Variants in CNGA1 observed in about 807,000 individuals in gnomAD.
The protein encoded by CNGA1 is cyclic nucleotide gated channel subunit alpha 1.
Under a neutral mutation model 69.7 loss-of-function variants are expected in CNGA1, and 53 were observed. That is an observed-to-expected ratio of 0.76 (90% CI 0.61 to 0.96). The LOEUF (loss-of-function observed/expected upper bound fraction) is 0.96. Ranked by LOEUF, CNGA1 falls within the 40% of genes least tolerant of loss-of-function variation. The pLI, the probability that CNGA1 is intolerant of heterozygous loss-of-function variation, is 0.00. For missense variants in CNGA1, 739 were observed against 811.2 expected, an observed-to-expected ratio of 0.91 and a Z score of 1.08; for synonymous variants, 249 against 283.5, an observed-to-expected ratio of 0.88 and a Z score of 1.22.
intron 1 of CNGA1, among the ~76,000 whole-genome samples, chr4:48,011,379 A>ACACACATG (rs1194036516): frequency 6.7e-6 from 1 of 148,162 alleles, no homozygotes; most frequent in East Asian, 1.9e-4. Context: ...TCTTTTAAAT[A>ACACACATG]CACACATGCA....
intron 3 of CNGA1, among the ~76,000 whole-genome samples, chr4:47,979,901 T>C (rs2110214918): frequency 6.6e-6 from 1 of 152,324 alleles, no homozygotes; most frequent in East Asian, 1.9e-4. Context: ...TTCTTTTCCT[T>C]TTTGAAAAAA....
At chr4:47,943,963 A>C (rs1368945353) in intron 6 of CNGA1, among the ~76,000 whole-genome samples, 1 of 152,166 alleles carries the variant, frequency 6.6e-6, no homozygotes, top group African/African-American at 2.4e-5. Context: ...TTTCTTCTTG[A>C]GTGGAGACTG....
chr4:47,937,648 A>T lies in CNGA1; in HGVS notation c.834T>A (p.Phe278Leu). The T allele has an allele frequency of 6.2e-7, 1 of 1,614,172 alleles. No homozygotes were observed. Among genetic ancestry groups the T allele is most frequent in the Non-Finnish European group, 8.5e-7 (1 of 1,180,030 alleles). ...LNRLLRFSRM[F>L]EFFQRTETRT... The stretch of plus-strand genomic sequence containing the variant: ...TTGTTTCTGTTCTCTGGAAGAACTC[A>T]AACATACGAGAGAACCGTAACAACC... The change falls in exon 11 of 11, where the codon TTT becomes TTA. Residue 278 changes from phenylalanine to leucine, a missense_variant. Phe to Leu is a conservative substitution (Grantham distance 22). Coordinates refer to ENST00000514170, the MANE Select transcript of CNGA1 (RefSeq NM_001379270.1).
At position 47,947,804 on chromosome 4, in the gene CNGA1, A is replaced by G. The variant is rs544113985; in HGVS notation, c.287+2029T>C. ...CTGGATGGAAAACGATGGAAAGATC[A>G]GGGAAAATATTTCAGAAGAGGCAGA... On this transcript the variant is annotated intron_variant, in intron 6 of 10. Coordinates refer to ENST00000514170, the MANE Select transcript of CNGA1 (RefSeq NM_001379270.1). Among the ~76,000 whole-genome samples, 17 of 152,374 alleles carry G rather than the reference A, an allele frequency of 1.1e-4. No homozygotes were observed. In the East Asian group the frequency reaches 3.1e-3, roughly 28 times the overall value.
At chr4:47,955,327 C>T (rs1740022662) in intron 3 of CNGA1, among the ~76,000 whole-genome samples, 1 of 151,628 alleles carries the variant, frequency 6.6e-6, no homozygotes. Flanking sequence ...GGATTACAGG[C>T]GCCCACCACC....
chr4:47,959,010 T>C (rs1270358851), intron 3 of CNGA1: 2 of 152,226 alleles, frequency 1.3e-5, no homozygotes, highest in African/African-American at 4.8e-5. Context: ...CAGAATTACT[T>C]TGATTGTTTA....
At chr4:47,970,136 C>T (rs1165937473) in intron 3 of CNGA1, among the ~76,000 whole-genome samples, 4 of 152,068 alleles carry the variant, frequency 2.6e-5, no homozygotes, top group South Asian at 2.1e-4. Context: ...GCAGCAACCT[C>T]GGGTTAGAAG....
In CNGA1 at chr4:47,942,088, A is replaced by G; in HGVS notation, c.498T>C (p.Phe166=). 6.2e-7 allele frequency: 1 copy of G among 1,614,000 alleles called. No individual in the cohort carries two copies. Among genetic ancestry groups the G allele is most frequent in the Non-Finnish European group, 8.5e-7 (1 of 1,179,902 alleles). The change falls in exon 9 of 11, where the codon TTT becomes TTC. Residue 166 remains phenylalanine (F), a synonymous_variant. Transcript: ENST00000514170. Reference sequence around the variant, plus strand: ...TGTACATAACAGGTAATGTGATGCAAAACAGCCAGTTGTAATATGTGTTTC... The same window carrying G: ...TGTACATAACAGGTAATGTGATGCAGAACAGCCAGTTGTAATATGTGTTTC... ...PSGNTYYNWL[F]CITLPVMYNW...
intron 2 of CNGA1, among the ~76,000 whole-genome samples, chr4:48,004,887 G>A (rs1001781861): frequency 6.6e-6 from 1 of 151,742 alleles, no homozygotes; most frequent in Non-Finnish European, 1.5e-5. Context: ...GGGGGTGGGG[G>A]TAAAGAAGGA....
At chr4:47,995,984 C>G (rs1742460238) in intron 2 of CNGA1, among the ~76,000 whole-genome samples, 1 of 152,152 alleles carries the variant, frequency 6.6e-6, no homozygotes, top group Admixed American at 6.5e-5. Context: ...GCACAGAGTC[C>G]TGTTACATAA....
At chr4:47,981,166 C>T (rs1384795086) in intron 3 of CNGA1, among the ~76,000 whole-genome samples, 1 of 152,182 alleles carries the variant, frequency 6.6e-6, no homozygotes, top group Non-Finnish European at 1.5e-5. Context: ...AAGCAGGTAG[C>T]ATTTACTATT....
chr4:47,953,902 GCCCTCGGACCTTATGC>G (rs1484291039), intron 3 of CNGA1, among the ~76,000 whole-genome samples: 1 of 62,034 alleles, frequency 1.6e-5, no homozygotes. Context: ...CGGGCCTTAT[GCCCTCGGACCTTATGC>G]CCTCGGACCT....
chr4:47,946,471 A>C (rs550259321), intron 6 of CNGA1, among the ~76,000 whole-genome samples: 1 of 152,350 alleles, frequency 6.6e-6, no homozygotes, highest in Admixed American at 6.5e-5. Flanking sequence ...CCAAGGCTAT[A>C]TTAACTTTCT....
At position 47,936,562 on chromosome 4, in the gene CNGA1, G is replaced by A. The variant is rs1560616074; in HGVS notation, c.1920C>T (p.Ile640=). The A allele has an allele frequency of 3.7e-6, 6 of 1,614,070 alleles. No homozygotes were observed. In the South Asian group the frequency reaches 5.5e-5, roughly 15 times the overall value. Residue 640 remains isoleucine, a synonymous_variant, in exon 11 of 11, where the codon ATC becomes ATT. Coordinates refer to ENST00000514170, the MANE Select transcript of CNGA1 (RefSeq NM_001379270.1). ...VDLLQTRFAR[I]LAEYESMQQK... Reference sequence around the variant, plus strand: ...GCTGCATGGACTCATACTCAGCCAAGATTCGGGCAAACCTGGTTTGCAGGA... The same window carrying A: ...GCTGCATGGACTCATACTCAGCCAAAATTCGGGCAAACCTGGTTTGCAGGA...
chr4:47,966,362 T>C (rs1367019017), intron 3 of CNGA1, among the ~76,000 whole-genome samples: 1 of 152,228 alleles, frequency 6.6e-6, no homozygotes, highest in Non-Finnish European at 1.5e-5. Flanking sequence ...AGATATGCTG[T>C]ATACCCACTT....
intron 8 of CNGA1, chr4:47,942,831 A>G (rs77098200): frequency 0.018 from 3,176 of 178,006 alleles, 135 homozygotes; most frequent in African/African-American, 0.072. Flanking sequence ...TTCAGTTTTT[A>G]AAATGATTGT....
chr4:47,955,486 A>G (rs368151902), intron 3 of CNGA1, among the ~76,000 whole-genome samples: 125 of 152,200 alleles, frequency 8.2e-4, no homozygotes, highest in African/African-American at 2.8e-3. Flanking sequence ...CCTGGCCCAT[A>G]TAACAATTTT....
intron 2 of CNGA1, among the ~76,000 whole-genome samples, chr4:47,991,073 C>A (rs3113875): frequency 2.0e-3 from 298 of 152,140 alleles, no homozygotes; most frequent in Non-Finnish European, 3.4e-3. Flanking sequence ...GGCATTTGGA[C>A]TGATTCTATG....
At chr4:47,993,210 T>G (rs1206618295) in intron 2 of CNGA1, among the ~76,000 whole-genome samples, 3 of 152,110 alleles carry the variant, frequency 2.0e-5, no homozygotes, top group African/African-American at 7.2e-5. Context: ...CATAGAATGA[T>G]TTAGGGAGGG....
Sources: allele counts gnomAD v4.1 joint callset (sites outside exome capture counted in the v4.1 genomes callset), GRCh38; gene constraint gnomAD v4.1.1; transcripts MANE v1.5; gene names NCBI Gene and HGNC (gene_info 2026-07-23, HGNC 2026-07-21).